GRIP1: variants seen among roughly 807,000 people sequenced by gnomAD.
The protein encoded by GRIP1 is glutamate receptor interacting protein 1, also known as glutamate receptor-interacting protein 1.
A neutral mutation model predicts 129.9 loss-of-function variants in GRIP1; 45 were observed. The observed-to-expected ratio is 0.35, with a 90% CI of 0.27 to 0.44. The LOEUF is 0.44. Ranked by LOEUF, GRIP1 falls within the 20% of genes least tolerant of loss-of-function variation. GRIP1 has a pLI of 1.00. For missense variants in GRIP1, 1,196 were observed against 1,396.8 expected (o/e 0.86, Z 2.29); for synonymous variants, 530 against 520.8 (o/e 1.02, Z -0.24).
At chr12:66,939,067 C>A (rs1465543724) in intron 1 of GRIP1, among the ~76,000 whole-genome samples, 1 of 152,094 alleles carries the variant, frequency 6.6e-6, no homozygotes, top group East Asian at 1.9e-4. Context: ...TAGATCAAAT[C>A]ACAGGAGAGG....
chr12:66,834,294 C>T (rs758643758), intron 1 of GRIP1, among the ~76,000 whole-genome samples: 20 of 151,982 alleles, frequency 1.3e-4, no homozygotes, highest in African/African-American at 3.6e-4. Flanking sequence ...TACCTTCCCA[C>T]GTGTTACACA....
At chr12:66,740,595 A>G (rs2036758411) in intron 1 of GRIP1, among the ~76,000 whole-genome samples, 1 of 152,230 alleles carries the variant, frequency 6.6e-6, no homozygotes, top group Non-Finnish European at 1.5e-5. Flanking sequence ...TCATCCCATT[A>G]GAAGAATACA....
chr12:66,653,817 T>C (rs1471842841), intron 1 of GRIP1, among the ~76,000 whole-genome samples: 1 of 152,200 alleles, frequency 6.6e-6, no homozygotes, highest in Non-Finnish European at 1.5e-5. Flanking sequence ...ACAAGATTTA[T>C]ACCTCTGTGG....
chr12:66,916,322 G>A (rs116030907), intron 1 of GRIP1, among the ~76,000 whole-genome samples: 4,561 of 152,224 alleles, frequency 0.03, 142 homozygotes, highest in African/African-American at 0.073. Flanking sequence ...AGCCCTAAGG[G>A]GCTGGGATGC....
intron 9 of GRIP1, among the ~76,000 whole-genome samples, chr12:66,460,984 T>C (rs1213120214): frequency 1.3e-5 from 2 of 152,162 alleles, no homozygotes; most frequent in African/African-American, 4.8e-5. Context: ...AGTGAACAAC[T>C]TTCAGTAAAC....
At chr12:66,518,131 G>C (rs2060899848) in intron 5 of GRIP1, among the ~76,000 whole-genome samples, 155 bp from the exon 6 acceptor site, 1 of 152,090 alleles carries the variant, frequency 6.6e-6, no homozygotes, top group South Asian at 2.1e-4. Context: ...TAAAGGTCTT[G>C]CTCATTTTAT....
At chr12:66,523,958 C>A (rs893368529) in intron 5 of GRIP1, among the ~76,000 whole-genome samples, 6 of 152,182 alleles carry the variant, frequency 3.9e-5, no homozygotes, top group African/African-American at 7.2e-5. Context: ...GTAAAGGGAT[C>A]AATTCAACAA....
intron 2 of GRIP1, among the ~76,000 whole-genome samples, chr12:66,560,656 A>T (rs973276668): frequency 1.3e-5 from 2 of 151,932 alleles, no homozygotes; most frequent in East Asian, 3.9e-4. Flanking sequence ...CAGTTAAAAG[A>T]AAGGGAATAA....
intron 1 of GRIP1, among the ~76,000 whole-genome samples, chr12:67,041,224 TTA>T (rs1426570394): frequency 6.6e-6 from 1 of 151,938 alleles, no homozygotes; most frequent in Admixed American, 6.6e-5. Context: ...CATATGTGTA[TTA>T]TATATACATG....
intron 1 of GRIP1, among the ~76,000 whole-genome samples, chr12:67,021,477 T>G (rs1284862453): frequency 1.3e-5 from 2 of 152,240 alleles, no homozygotes; most frequent in African/African-American, 2.4e-5. Context: ...TACTGAGTAG[T>G]GTTTGTTGTA....
chr12:66,528,433 G>A (rs545334007), intron 5 of GRIP1, among the ~76,000 whole-genome samples: 3 of 152,174 alleles, frequency 2.0e-5, no homozygotes, highest in Non-Finnish European at 2.9e-5. Context: ...CACTGTGCCC[G>A]GCCTAGAATT....
Position 66,348,618 on chromosome 12 carries a change from T to C in GRIP1, c.*401A>G, listed in dbSNP as rs753058434. ...TTTGTTGGCCAAGTTCTTACATTAA[T>C]GACTTCATAGTAAGAAACTGATTTC... On this transcript the variant is annotated 3_prime_UTR_variant, in exon 25 of 25. Transcript: ENST00000359742. 2.8e-5 allele frequency: 6 copies of C among 210,592 alleles called. No homozygotes were observed. Among genetic ancestry groups the C allele is most frequent in the East Asian group, 2.3e-4 (2 of 8,580 alleles). 13.0% of individuals were successfully genotyped at this position (210,592 alleles called of 1,614,324 possible).
chr12:66,543,470 C>T (rs116397874), intron 2 of GRIP1, among the ~76,000 whole-genome samples: 3 of 152,226 alleles, frequency 2.0e-5, no homozygotes, highest in Admixed American at 6.5e-5. Context: ...AAGTACAGGA[C>T]CTTTTACATC....
At chr12:66,662,648 A>C (rs1316630528) in intron 1 of GRIP1, among the ~76,000 whole-genome samples, 1 of 152,114 alleles carries the variant, frequency 6.6e-6, no homozygotes, top group African/African-American at 2.4e-5. Flanking sequence ...TACTTTAAAA[A>C]ATTTCTATTG....
intron 1 of GRIP1, among the ~76,000 whole-genome samples, chr12:66,910,509 G>A (rs762409795): frequency 7.2e-5 from 11 of 151,958 alleles, no homozygotes; most frequent in Non-Finnish European, 1.6e-4. Context: ...CTTTAAGCAA[G>A]AGCTGCAGAA....
chr12:66,882,459 A>T (rs2040496030), intron 1 of GRIP1, among the ~76,000 whole-genome samples: 1 of 152,190 alleles, frequency 6.6e-6, no homozygotes, highest in Non-Finnish European at 1.5e-5. Flanking sequence ...AGCCGAGCTG[A>T]ACCGAAGCCA....
chr12:66,944,056 C>T (rs1438289422), intron 1 of GRIP1, among the ~76,000 whole-genome samples: 1 of 152,134 alleles, frequency 6.6e-6, no homozygotes, highest in African/African-American at 2.4e-5. Flanking sequence ...TAATGACTTA[C>T]ATTAGCATGA....
chr12:66,783,645 C>T (rs11176426), intron 1 of GRIP1, among the ~76,000 whole-genome samples: 15,682 of 152,140 alleles, frequency 0.1, 962 homozygotes, highest in Middle Eastern at 0.22. Flanking sequence ...ATGGCCAACA[C>T]ATCGATTTTA....
intron 1 of GRIP1, among the ~76,000 whole-genome samples, chr12:66,814,421 A>G (rs2039164986): frequency 6.6e-6 from 1 of 152,128 alleles, no homozygotes; most frequent in Admixed American, 6.5e-5. Flanking sequence ...GCTGCTTCTT[A>G]TGAAACCTTG....
Sources: gnomAD v4.1 joint callset for allele counts (sites outside exome capture counted in the v4.1 genomes callset) on GRCh38, gnomAD v4.1.1 for gene constraint, MANE v1.5 for transcripts, NCBI Gene and HGNC (gene_info 2026-07-23, HGNC 2026-07-21) for gene names.